Variants in PPP6R2 observed in about 807,000 individuals in gnomAD.
PPP6R2 encodes the protein serine/threonine-protein phosphatase 6 regulatory subunit 2.
A neutral mutation model predicts 100.2 loss-of-function variants in PPP6R2; 62 were observed. The ratio of observed to expected loss-of-function variants is 0.62; its 90% CI spans 0.50 to 0.76. The LOEUF (loss-of-function observed/expected upper bound fraction) is 0.76, where lower values mean the gene tolerates loss of function less well. Among genes scored for constraint, PPP6R2 ranks in the 30% least tolerant of loss-of-function variants. The pLI, the probability that PPP6R2 is intolerant of heterozygous loss-of-function variation, is 0.00. For missense variants in PPP6R2, 1,142 were observed against 1,276.3 expected, an observed-to-expected ratio of 0.89 and a Z score of 1.60; for synonymous variants, 525 against 514.7, an observed-to-expected ratio of 1.02 and a Z score of -0.27.
intron 1 of PPP6R2, among the ~76,000 whole-genome samples, chr22:50,361,197 T>C (rs2047721633): frequency 1.3e-5 from 2 of 152,226 alleles, no homozygotes; most frequent in Non-Finnish European, 2.9e-5. Context: ...TGGTCATTCC[T>C]TTTGGATTTC....
At chr22:50,377,563 A>G (rs2051880537) in intron 2 of PPP6R2, among the ~76,000 whole-genome samples, 1 of 152,212 alleles carries the variant, frequency 6.6e-6, no homozygotes, top group Non-Finnish European at 1.5e-5. Context: ...GCACAGAGAA[A>G]ATGATGGGAA....
At position 50,431,926 on chromosome 22, in the gene PPP6R2, C is replaced by T. The variant is rs1298810018; in HGVS notation, c.1336-339C>T. Reference sequence around the variant, plus strand: ...TTCTTCCGGACACAGAGAAAGAGGGCAGGAGAGTGGCCAAAGTGGAGGGCA... The same window carrying T: ...TTCTTCCGGACACAGAGAAAGAGGGTAGGAGAGTGGCCAAAGTGGAGGGCA... On this transcript the variant is annotated intron_variant, in intron 11 of 23. Coordinates refer to ENST00000612753, the MANE Select transcript of PPP6R2 (RefSeq NM_001242898.2). This position sits in a 1 kb window ranked among gnomAD's most constrained non-coding sequence, Gnocchi z 4.8. 2.0e-5 allele frequency among the ~76,000 whole-genome samples: 3 copies of T among 152,024 alleles called. No individual in the cohort carries two copies. The highest frequency in any genetic ancestry group is 1.3e-4 in the Admixed American group (2 of 15,280).
At chr22:50,373,819 C>T (rs542261367) in intron 2 of PPP6R2, among the ~76,000 whole-genome samples, 8 of 152,114 alleles carry the variant, frequency 5.3e-5, no homozygotes, top group South Asian at 4.2e-4. Context: ...CTGCAACCTC[C>T]GCCTCCTGGG....
At chr22:50,341,838 C>A (rs2042422708), upstream of PPP6R2, among the ~76,000 whole-genome samples, 1 of 152,024 alleles carries the variant, frequency 6.6e-6, no homozygotes, top group South Asian at 2.1e-4. Flanking sequence ...ACTAAAAATA[C>A]AAAAATTAGC....
At chr22:50,392,845 C>T (rs1027775394) in intron 2 of PPP6R2, among the ~76,000 whole-genome samples, 4 of 152,130 alleles carry the variant, frequency 2.6e-5, no homozygotes, top group Non-Finnish European at 2.9e-5. Context: ...AGGGCATCAC[C>T]GGCTTTACAG....
intron 8 of PPP6R2, 127 bp downstream of exon 8, chr22:50,419,589 ATAGATTCCCCTTGTTGAAGGCTTGAC>A: frequency 1.5e-6 from 1 of 685,622 alleles, no homozygotes; most frequent in East Asian, 2.7e-5. Context: ...AACAACATGG[ATAGATTCCCCTTGTTGAAGGCTTGAC>A]TTTATGGCTG....
intron 1 of PPP6R2, among the ~76,000 whole-genome samples, chr22:50,353,845 GCTAA>G (rs562231135): frequency 4.9e-4 from 72 of 147,004 alleles, no homozygotes; most frequent in African/African-American, 1.8e-3. Flanking sequence ...TAAGGGAAAG[GCTAA>G]CTTTTAAAAA....
At chr22:50,362,026 T>C (rs889037335) in intron 1 of PPP6R2, among the ~76,000 whole-genome samples, 1 of 152,196 alleles carries the variant, frequency 6.6e-6, no homozygotes, top group African/African-American at 2.4e-5. Context: ...GAAACTGGAC[T>C]TTATGCCTGG....
rs117340146 is a variant in PPP6R2 at position 50,374,294 on chromosome 22, C to T, written c.-17+2144C>T. Among the ~76,000 whole-genome samples, 472 of 152,160 alleles carry T rather than the reference C, an allele frequency of 3.1e-3. 9 individuals are homozygous for T. In the East Asian group the frequency reaches 0.05, roughly 16 times the overall value. On this transcript the variant is annotated intron_variant, in intron 2 of 23. Transcript: ENST00000612753. ...AGGTTGCAGCGAGACAAGATCGTGC[C>T]GCTGCCCTCCAGCCTGGGTGACAGA...
chr22:50,352,408 G>C (rs182710462), intron 1 of PPP6R2, among the ~76,000 whole-genome samples: 4 of 152,094 alleles, frequency 2.6e-5, no homozygotes, highest in Non-Finnish European at 5.9e-5. Flanking sequence ...ATTTAAGTCT[G>C]GTTTCGTCTT....
At chr22:50,366,131 C>T (rs556654948) in intron 1 of PPP6R2, among the ~76,000 whole-genome samples, 1 of 152,186 alleles carries the variant, frequency 6.6e-6, no homozygotes, top group Non-Finnish European at 1.5e-5. Flanking sequence ...TCTGATAGGT[C>T]TTGCATTTCA....
chr22:50,437,492 T>TC lies in PPP6R2; in HGVS notation c.1684-11dup. ...CGGTGTCTGTCCGTCCCTCCCTCCC[T>TC]CCCTCCCTCCCAGGCCTTCTCTGAC... On this transcript the variant is annotated splice_polypyrimidine_tract_variant and intron_variant, in intron 15 of 23. Coordinates refer to ENST00000612753, the MANE Select transcript of PPP6R2 (RefSeq NM_001242898.2). The TC allele has an allele frequency of 1.4e-4, 43 of 315,174 alleles. No individual in the cohort carries two copies. Among genetic ancestry groups the TC allele is most frequent in the South Asian group, 2.1e-4 (9 of 43,432 alleles). 19.5% of individuals were successfully genotyped at this position (315,174 alleles called of 1,614,324 possible).
chr22:50,438,440 T>A, intron 18 of PPP6R2, 142 bp downstream of exon 18: 3 of 1,459,326 alleles, frequency 2.1e-6, no homozygotes, highest in East Asian at 2.3e-5. Context: ...ATGCAGCGGG[T>A]GACCCTAAGG....
chr22:50,341,364 T>G (rs2147837378), upstream of PPP6R2, among the ~76,000 whole-genome samples: 1 of 152,158 alleles, frequency 6.6e-6, no homozygotes, highest in Middle Eastern at 3.4e-3. Flanking sequence ...TCACCACACC[T>G]GGCTAGTTTT....
At chr22:50,401,924 A>G (rs545208726) in intron 3 of PPP6R2, among the ~76,000 whole-genome samples, 3 of 152,032 alleles carry the variant, frequency 2.0e-5, no homozygotes, top group Admixed American at 2.0e-4. Flanking sequence ...GTGAGCCACC[A>G]CGCCTGGCCC....
chr22:50,369,526 C>CTTTTA (rs760729609), intron 1 of PPP6R2, among the ~76,000 whole-genome samples: 2 of 151,900 alleles, frequency 1.3e-5, no homozygotes, highest in African/African-American at 4.8e-5. Flanking sequence ...TCACTGCAGC[C>CTTTTA]TTTTATTTTA....
At chr22:50,443,675 T>A in intron 22 of PPP6R2, 191 bp from the exon 23 acceptor site, 1 of 729,570 alleles carries the variant, frequency 1.4e-6, no homozygotes, top group Non-Finnish European at 2.2e-6. Flanking sequence ...TCCCAGTACT[T>A]GGAACTTGGG....
intron 22 of PPP6R2, chr22:50,443,596 G>T: frequency 1.9e-6 from 1 of 525,604 alleles, no homozygotes; most frequent in Non-Finnish European, 3.4e-6. Context: ...AGAATGAGGC[G>T]CTTGATGATG....
At chr22:50,393,458 C>A in intron 2 of PPP6R2, 1 of 985,002 alleles carries the variant, frequency 1.0e-6, no homozygotes, top group Non-Finnish European at 1.2e-6. Context: ...GGGAGAGACA[C>A]CTGGGCGCAT....
Sources: gnomAD v4.1 joint callset for allele counts (sites outside exome capture counted in the v4.1 genomes callset) on GRCh38, gnomAD v4.1.1 for gene constraint, Gnocchi (gnomAD v3.1) non-coding constraint, MANE v1.5 for transcripts, NCBI Gene and HGNC (gene_info 2026-07-23, HGNC 2026-07-21) for gene names.